SMARCAL1: variants seen among roughly 807,000 people sequenced by gnomAD.
The protein encoded by SMARCAL1 is ATP-driven annealing helicase.
SMARCAL1 carries 58 observed loss-of-function variants against 94.5 expected under a neutral mutation model. The observed-to-expected ratio is 0.61, with a 90% CI of 0.50 to 0.76. The LOEUF (loss-of-function observed/expected upper bound fraction) is 0.76. Ranked by LOEUF, SMARCAL1 falls within the 30% of genes least tolerant of loss-of-function variation. The pLI is 0.00. For missense variants in SMARCAL1, 1,051 were observed against 1,177.9 expected (o/e 0.89, Z 1.58); for synonymous variants, 422 against 455.1 (o/e 0.93, Z 0.93).
chr2:216,464,731 T>G, intron 13 of SMARCAL1, 64 bp downstream of exon 13: 1 of 1,084,666 alleles, frequency 9.2e-7, no homozygotes. Context: ...AAACAACTTA[T>G]TACTTTATTC....
intron 1 of SMARCAL1, among the ~76,000 whole-genome samples, chr2:216,413,435 A>G (rs1202191049): frequency 6.6e-6 from 1 of 152,210 alleles, no homozygotes; most frequent in African/African-American, 2.4e-5. Flanking sequence ...TCAGGGTGCA[A>G]TATGGAATGT....
At chr2:216,467,910 G>A (rs1453055403) in intron 13 of SMARCAL1, 34 bp from the exon 14 acceptor site, 2 of 1,265,706 alleles carry the variant, frequency 1.6e-6, no homozygotes, top group East Asian at 2.3e-5. Flanking sequence ...AGGAGTATAT[G>A]TTTAATCTGT....
rs902845023 is a variant in SMARCAL1, at chr2:216,475,666, G to A, written c.2427+215G>A. Among the ~76,000 whole-genome samples the A allele has an allele frequency of 4.0e-5, 6 of 151,860 alleles. No homozygotes were observed. Among genetic ancestry groups the A allele is most frequent in the African/African-American group, 1.5e-4 (6 of 41,318 alleles). On this transcript the variant is annotated intron_variant, in intron 15 of 17. Coordinates refer to ENST00000357276, the MANE Select transcript of SMARCAL1 (RefSeq NM_014140.4). The surrounding 1 kb of genome is among the most constrained non-coding windows in gnomAD (Gnocchi z 4.4). Reference sequence around the variant, plus strand: ...AGAGTCTCTTATCACCCAGGCTGGAGTGCAGTGGCATGATCTTGGCTCACT... The same window carrying A: ...AGAGTCTCTTATCACCCAGGCTGGAATGCAGTGGCATGATCTTGGCTCACT...
At chr2:216,472,216 A>G (rs370297158) in intron 14 of SMARCAL1, among the ~76,000 whole-genome samples, 19 of 152,112 alleles carry the variant, frequency 1.2e-4, no homozygotes, top group East Asian at 1.2e-3. Context: ...TTAGCTGGGC[A>G]TAGTGGTGCA....
chr2:216,423,083 C>G (rs1253746253), intron 5 of SMARCAL1, among the ~76,000 whole-genome samples: 1 of 152,096 alleles, frequency 6.6e-6, no homozygotes, highest in Non-Finnish European at 1.5e-5. Flanking sequence ...GATGTGGAAA[C>G]TGAGGGAGAG....
intron 10 of SMARCAL1, among the ~76,000 whole-genome samples, chr2:216,444,954 T>C (rs1452781019): frequency 6.6e-6 from 1 of 152,230 alleles, no homozygotes; most frequent in African/African-American, 2.4e-5. Flanking sequence ...AAACTAAGCC[T>C]ATCTTTGAGG....
intron 12 of SMARCAL1, among the ~76,000 whole-genome samples, chr2:216,454,651 G>A (rs929924035): frequency 9.9e-5 from 15 of 152,144 alleles, no homozygotes; most frequent in Admixed American, 4.6e-4. Flanking sequence ...TGCTTGGCCC[G>A]TAATAAGTGG....
At position 216,414,953 on chromosome 2, in the gene SMARCAL1, C is replaced by T. The variant is rs1398674516; in HGVS notation, c.249C>T (p.Asp83=). ...ATCTCAGTAGCTCATCTAATGCTGA[C>T]CAAAGACCTCATGATTCCCACAGTT... The part of the protein sequence containing the change: ...QQNLSSSSNA[D]QRPHDSHSFQ... The change falls in exon 3 of 18, where the codon GAC becomes GAT. Residue 83 remains aspartate (D), a synonymous_variant. Transcript: ENST00000357276. 1 of 1,614,050 alleles carries T rather than the reference C, an allele frequency of 6.2e-7. No homozygotes were observed. Among genetic ancestry groups the T allele is most frequent in the Non-Finnish European group, 8.5e-7 (1 of 1,180,038 alleles).
intron 12 of SMARCAL1, among the ~76,000 whole-genome samples, chr2:216,455,154 G>A (rs2106060256): frequency 6.6e-6 from 1 of 152,340 alleles, no homozygotes; most frequent in African/African-American, 2.4e-5. Context: ...GGCTGGGGGA[G>A]GGGTGCCCGC....
Position 216,467,974 on chromosome 2 carries a change from A to G in SMARCAL1, c.2172A>G (p.Gly724=), listed in dbSNP as rs1694866009. Residue 724 remains glycine (G), a synonymous_variant, in exon 14 of 18, where the codon GGA becomes GGG. Coordinates refer to ENST00000357276, the MANE Select transcript of SMARCAL1 (RefSeq NM_014140.4). ...IEYILDLLES[G]REKFLVFAHH... ...ATATCTTGGACCTACTGGAAAGTGG[A>G]AGAGAGAAGTTTTTAGTATTTGCAC... 1 of 1,613,340 alleles carries G rather than the reference A, an allele frequency of 6.2e-7. No homozygotes were observed.
In SMARCAL1 at chr2:216,475,349, G is replaced by A. The variant is rs1486727236; in HGVS notation, c.2325G>A (p.Glu775=). Reference sequence around the variant, plus strand: ...TGTGCCAGCAGTTCCAACTGTCGGAGAGGCATGCTGTGGCCGTGCTGTCCA... The same window carrying A: ...TGTGCCAGCAGTTCCAACTGTCGGAAAGGCATGCTGTGGCCGTGCTGTCCA... ...EDLCQQFQLS[E]RHAVAVLSIT... is the part of the protein sequence containing the mutation. The change falls in exon 15 of 18, where the codon GAG becomes GAA. Residue 775 remains glutamate (E), a synonymous_variant. Coordinates refer to ENST00000357276, the MANE Select transcript of SMARCAL1 (RefSeq NM_014140.4). The surrounding 1 kb of genome is among the most constrained non-coding windows in gnomAD (Gnocchi z 4.4). 5 of 1,614,240 alleles carry A rather than the reference G, an allele frequency of 3.1e-6. No homozygotes were observed. Among genetic ancestry groups the A allele is most frequent in the Non-Finnish European group, 4.2e-6 (5 of 1,180,056 alleles).
Position 216,420,497 on chromosome 2 carries a change from T to C in SMARCAL1, c.1061T>C (p.Ile354Thr), listed in dbSNP as rs768801748. The change falls in exon 5 of 18, where the codon ATT becomes ACT. Residue 354 changes from isoleucine to threonine, a missense_variant. Around this residue, in one of 3 missense-constraint regions of SMARCAL1, gnomAD observed 642 missense variants for 754.7 expected, o/e 0.85. Transcript: ENST00000357276. ...EADISYSQDL[I>T]ALFKQMDSRR... ...GACATCAGTTATTCACAGGACCTTATTGCGCTTTTTAAACAGATGGATTCC... is the reference window on the plus strand; with the variant it reads ...GACATCAGTTATTCACAGGACCTTACTGCGCTTTTTAAACAGATGGATTCC... The C allele has an allele frequency of 9.9e-6, 16 of 1,614,084 alleles. No individual in the cohort carries two copies. Among genetic ancestry groups the C allele is most frequent in the Admixed American group, 6.7e-5 (4 of 60,008 alleles).
intron 7 of SMARCAL1, among the ~76,000 whole-genome samples, chr2:216,430,040 A>G (rs3770483): frequency 0.035 from 5,327 of 151,952 alleles, 204 homozygotes; most frequent in East Asian, 0.16. Context: ...TTCAGCATCC[A>G]AGTTCTTCGT....
At chr2:216,454,650 C>T (rs756764213) in intron 12 of SMARCAL1, among the ~76,000 whole-genome samples, 8 of 152,134 alleles carry the variant, frequency 5.3e-5, no homozygotes, top group South Asian at 2.1e-4. Flanking sequence ...CTGCTTGGCC[C>T]GTAATAAGTG....
intron 12 of SMARCAL1, among the ~76,000 whole-genome samples, chr2:216,457,837 A>G (rs970426595): frequency 6.6e-6 from 1 of 152,176 alleles, no homozygotes; most frequent in Non-Finnish European, 1.5e-5. Flanking sequence ...ACTAAGATCA[A>G]AGAAGAACTG....
rs1695065978 is a variant in SMARCAL1, at chr2:216,475,904, G to A, written c.2427+453G>A. ...CTTCATGTCTCATAGGAGGAAGTTA[G>A]GGCACCGAGAGCTCAAGGGGTGAGG... On this transcript the variant is annotated intron_variant, in intron 15 of 17. Transcript: ENST00000357276. This position sits in a 1 kb window ranked among gnomAD's most constrained non-coding sequence, Gnocchi z 4.4. Among the ~76,000 whole-genome samples, 1 of 152,128 alleles carries A rather than the reference G, an allele frequency of 6.6e-6. No individual in the cohort carries two copies.
intron 7 of SMARCAL1, among the ~76,000 whole-genome samples, chr2:216,432,163 G>A (rs1024357643): frequency 2.6e-5 from 4 of 151,900 alleles, no homozygotes. Context: ...CTGGGACTAC[G>A]GGCATGTGCC....
At chr2:216,421,026 C>T (rs760374792) in intron 5 of SMARCAL1, among the ~76,000 whole-genome samples, 28 of 152,162 alleles carry the variant, frequency 1.8e-4, no homozygotes, top group Non-Finnish European at 2.8e-4. Flanking sequence ...TTGCGTTTCT[C>T]ACAAGTTCCC....
chr2:216,416,629 T>C (rs1417991215), intron 4 of SMARCAL1, among the ~76,000 whole-genome samples: 1 of 152,216 alleles, frequency 6.6e-6, no homozygotes, highest in Non-Finnish European at 1.5e-5. Context: ...GATGAGTCAG[T>C]AACACAGGGT....
Sources: allele counts gnomAD v4.1 joint callset (sites outside exome capture counted in the v4.1 genomes callset), GRCh38; gene constraint gnomAD v4.1.1; regional missense constraint gnomAD v4.1.1; non-coding constraint Gnocchi (gnomAD v3.1); transcripts MANE v1.5; gene names NCBI Gene and HGNC (gene_info 2026-07-23, HGNC 2026-07-21).